Variants in LRCH1 observed in about 807,000 individuals in gnomAD.
LRCH1 encodes the protein leucine-rich repeat and calponin homology domain-containing protein 1.
Under a neutral mutation model 94.9 loss-of-function variants are expected in LRCH1, and 23 were observed. The observed-to-expected ratio is 0.24, with a 90% CI of 0.17 to 0.34. LRCH1 has a LOEUF of 0.34. LRCH1 is among the 10% of genes least tolerant of loss of function. The probability of loss-of-function intolerance (pLI) is 1.00; values close to 1 mark genes in which losing one functional copy is unlikely to be tolerated. For synonymous variants in LRCH1, 364 were observed against 354.9 expected (o/e 1.03, Z -0.29); for missense variants, 790 against 945.9 (o/e 0.84, Z 2.16).
chr13:46,629,068 G>C (rs960361941), intron 1 of LRCH1, among the ~76,000 whole-genome samples: 8 of 152,136 alleles, frequency 5.3e-5, no homozygotes, highest in Non-Finnish European at 1.2e-4. Context: ...TTAAATAAAG[G>C]TATCTCAGAG....
intron 1 of LRCH1, among the ~76,000 whole-genome samples, chr13:46,598,112 C>T (rs1327364564): frequency 6.6e-6 from 1 of 152,138 alleles, no homozygotes; most frequent in East Asian, 1.9e-4. Context: ...GAAACCCTGT[C>T]TCTACTAAAA....
At chr13:46,716,205 T>C (rs1191984963) in intron 16 of LRCH1, among the ~76,000 whole-genome samples, 2 of 152,164 alleles carry the variant, frequency 1.3e-5, no homozygotes, top group Non-Finnish European at 2.9e-5. Flanking sequence ...TTTTGATGCC[T>C]TCTTGAGTAT....
At chr13:46,660,563 C>A (rs922575526) in intron 2 of LRCH1, among the ~76,000 whole-genome samples, 3 of 152,170 alleles carry the variant, frequency 2.0e-5, no homozygotes, top group Non-Finnish European at 4.4e-5. Context: ...TTGGACAGAG[C>A]AGGAACTCAG....
chr13:46,576,337 A>G (rs1394992678), intron 1 of LRCH1, among the ~76,000 whole-genome samples: 1 of 152,186 alleles, frequency 6.6e-6, no homozygotes, highest in African/African-American at 2.4e-5. Flanking sequence ...TAGACTTAAG[A>G]TTGTTGGGAA....
chr13:46,597,791 A>C (rs1024700658), intron 1 of LRCH1, among the ~76,000 whole-genome samples: 1 of 123,652 alleles, frequency 8.1e-6, no homozygotes, highest in African/African-American at 3.2e-5. Context: ...CCAACAACTT[A>C]GATCAAATAA....
intron 16 of LRCH1, among the ~76,000 whole-genome samples, chr13:46,720,948 A>C (rs1872562039): frequency 6.6e-6 from 1 of 152,216 alleles, no homozygotes; most frequent in African/African-American, 2.4e-5. Context: ...TATTTCTGAT[A>C]ATTTTAAGTG....
rs759808855 is a variant in LRCH1, at chr13:46,685,855, T to C, written c.686-50T>C. The C allele has an allele frequency of 2.8e-5, 37 of 1,318,942 alleles. No individual in the cohort carries two copies. The Middle Eastern group carries it at 5.9e-4, about 21-fold the overall frequency. 81.7% of individuals were successfully genotyped at this position (1,318,942 alleles called of 1,614,324 possible). On this transcript the variant is annotated intron_variant, in intron 4 of 19. Coordinates refer to ENST00000389797, the MANE Select transcript of LRCH1 (RefSeq NM_001164211.2). Reference sequence around the variant, plus strand: ...TTGAATGATTAGCCATTTAATCTTATTGATTTCTAAGGTTTTTTCTTTCTT... The same window carrying C: ...TTGAATGATTAGCCATTTAATCTTACTGATTTCTAAGGTTTTTTCTTTCTT...
chr13:46,592,368 C>T (rs1470090803), intron 1 of LRCH1, among the ~76,000 whole-genome samples: 1 of 152,158 alleles, frequency 6.6e-6, no homozygotes, highest in Non-Finnish European at 1.5e-5. Context: ...CTGTGGCATT[C>T]CCATCCTTTT....
chr13:46,598,875 C>T (rs901121715), intron 1 of LRCH1, among the ~76,000 whole-genome samples: 1 of 152,180 alleles, frequency 6.6e-6, no homozygotes, highest in African/African-American at 2.4e-5. Context: ...TACACATAAA[C>T]TTACCATCTT....
intron 9 of LRCH1, 62 bp downstream of exon 9, chr13:46,695,079 T>C: frequency 6.3e-7 from 1 of 1,582,744 alleles, no homozygotes; most frequent in South Asian, 1.1e-5. Context: ...CACCGTACAA[T>C]TTAAGTTGAA....
intron 1 of LRCH1, among the ~76,000 whole-genome samples, chr13:46,615,738 C>T (rs529696881): frequency 7.9e-5 from 12 of 152,274 alleles, no homozygotes; most frequent in Non-Finnish European, 1.5e-4. Context: ...GGATGTTTTT[C>T]AGTTGTATTA....
At chr13:46,583,530 T>C (rs971136322) in intron 1 of LRCH1, among the ~76,000 whole-genome samples, 4 of 152,202 alleles carry the variant, frequency 2.6e-5, no homozygotes, top group African/African-American at 4.8e-5. Flanking sequence ...GCTCCAAAGA[T>C]TGCTTCAGAT....
intron 2 of LRCH1, among the ~76,000 whole-genome samples, chr13:46,662,044 C>T (rs898714370): frequency 4.6e-5 from 7 of 152,286 alleles, no homozygotes; most frequent in Admixed American, 2.0e-4. Context: ...AACCCCATCT[C>T]TACTAAAAAT....
In LRCH1 at chr13:46,715,667, AG is replaced by A; in HGVS notation, c.1759+5del. 1 of 1,523,240 alleles carries A rather than the reference AG, an allele frequency of 6.6e-7. No individual in the cohort carries two copies. The allele number at this position is 1,523,240 out of a possible 1,614,324, so 94.4% of individuals were successfully genotyped here. On this transcript the variant is annotated splice_donor_region_variant and intron_variant, in intron 16 of 19. Transcript: ENST00000389797. Reference sequence around the variant, plus strand: ...ATCTGAAGGAGACAGTGACAATGGTAGGTGGCTTTGTACCTATTCTCCAATG... The same window carrying A: ...ATCTGAAGGAGACAGTGACAATGGTAGTGGCTTTGTACCTATTCTCCAATG...
At chr13:46,658,428 T>C (rs998588083) in intron 2 of LRCH1, among the ~76,000 whole-genome samples, 4 of 152,198 alleles carry the variant, frequency 2.6e-5, no homozygotes, top group African/African-American at 9.6e-5. Flanking sequence ...ACTCCCAGGC[T>C]TTTCTACTTT....
At chr13:46,664,621 G>A (rs2051491837) in intron 2 of LRCH1, among the ~76,000 whole-genome samples, 1 of 152,140 alleles carries the variant, frequency 6.6e-6, no homozygotes, top group South Asian at 2.1e-4. Flanking sequence ...TTTAAAGAAG[G>A]TATCGTTGTC....
At chr13:46,748,696 G>T (rs1487510146), downstream of LRCH1, among the ~76,000 whole-genome samples, 1 of 152,140 alleles carries the variant, frequency 6.6e-6, no homozygotes, top group Non-Finnish European at 1.5e-5. Flanking sequence ...CTAATAAATT[G>T]TCAGGCAGCA....
At chr13:46,581,996 A>G (rs1279623437) in intron 1 of LRCH1, among the ~76,000 whole-genome samples, 1 of 152,146 alleles carries the variant, frequency 6.6e-6, no homozygotes, top group Non-Finnish European at 1.5e-5. Flanking sequence ...CTAAAAATTC[A>G]AAAATTAGCC....
intron 1 of LRCH1, among the ~76,000 whole-genome samples, chr13:46,602,850 G>T (rs2050643009): frequency 6.6e-6 from 1 of 152,166 alleles, no homozygotes; most frequent in Non-Finnish European, 1.5e-5. Context: ...TGAAGAGGCT[G>T]AGGTGGGAGG....
Sources: gnomAD v4.1 joint callset for allele counts (sites outside exome capture counted in the v4.1 genomes callset) on GRCh38, gnomAD v4.1.1 for gene constraint, MANE v1.5 for transcripts, NCBI Gene and HGNC (gene_info 2026-07-23, HGNC 2026-07-21) for gene names.